The following DIAPH3 variants were observed in gnomAD, a reference collection of about 807,000 sequenced individuals.
DIAPH3 encodes the protein diaphanous related formin 3.
A neutral mutation model predicts 144.3 loss-of-function variants in DIAPH3; 117 were observed. That is an observed-to-expected ratio of 0.81 (90% confidence interval 0.70 to 0.95). The LOEUF is 0.95. Ranked by LOEUF, DIAPH3 falls within the 40% of genes least tolerant of loss-of-function variation. The probability of loss-of-function intolerance (pLI) is 0.00; values close to 1 mark genes in which losing one functional copy is unlikely to be tolerated. For missense variants in DIAPH3, 1,421 were observed against 1,412.7 expected, an observed-to-expected ratio of 1.01 and a Z score of -0.09; for synonymous variants, 519 against 488.9, an observed-to-expected ratio of 1.06 and a Z score of -0.81.
chr13:59,835,569 C>A (rs1385651867), intron 23 of DIAPH3, among the ~76,000 whole-genome samples: 1 of 151,556 alleles, frequency 6.6e-6, no homozygotes, highest in Non-Finnish European at 1.5e-5. Context: ...TTAAGAACAG[C>A]ACATTTAATG....
At chr13:59,939,219 A>C (rs1400403938) in intron 17 of DIAPH3, among the ~76,000 whole-genome samples, 1 of 152,186 alleles carries the variant, frequency 6.6e-6, no homozygotes, top group Non-Finnish European at 1.5e-5. Context: ...TGCACACCTC[A>C]AACTTATACA....
intron 17 of DIAPH3, among the ~76,000 whole-genome samples, chr13:59,951,170 G>A (rs2049078459): frequency 6.6e-6 from 1 of 152,070 alleles, no homozygotes; most frequent in South Asian, 2.1e-4. Context: ...TGTTGTGGTT[G>A]GGACCCAGTG....
chr13:59,980,686 C>A, intron 14 of DIAPH3, 109 bp downstream of exon 14: 1 of 1,019,568 alleles, frequency 9.8e-7, no homozygotes, highest in Admixed American at 1.9e-5. Flanking sequence ...ATGCACACAC[C>A]TGAAGCAGAT....
intron 22 of DIAPH3, among the ~76,000 whole-genome samples, chr13:59,852,062 G>C (rs1452660546): frequency 6.6e-6 from 1 of 151,898 alleles, no homozygotes; most frequent in Non-Finnish European, 1.5e-5. Flanking sequence ...TTTCCTTATA[G>C]AGTCAAAACA....
rs558982138 is a variant in DIAPH3, at chr13:59,903,665, C to T, written c.2367+8070G>A. Among the ~76,000 whole-genome samples, 13 of 150,956 alleles carry T rather than the reference C, an allele frequency of 8.6e-5. No individual in the cohort carries two copies. In the East Asian group the frequency reaches 2.5e-3, roughly 29 times the overall value. On this transcript the variant is annotated intron_variant, in intron 20 of 27. Transcript: ENST00000400324. ...ACCAAGTTATTGATTTCTTGGTCTA[C>T]TTTTGAATTAACCCATTTTCACTCA...
At chr13:59,807,071 T>C (rs1175904283) in intron 25 of DIAPH3, among the ~76,000 whole-genome samples, 1 of 151,842 alleles carries the variant, frequency 6.6e-6, no homozygotes, top group African/African-American at 2.4e-5. Context: ...TTTTTAAAAA[T>C]GAAAAAAGTT....
intron 1 of DIAPH3, among the ~76,000 whole-genome samples, chr13:60,157,818 G>C (rs1022839757): frequency 6.6e-6 from 1 of 152,124 alleles, no homozygotes; most frequent in Admixed American, 6.5e-5. Context: ...GATGGGACCT[G>C]AAATCTTAGT....
Position 60,042,777 on chromosome 13 carries a change from A to G in DIAPH3, c.539T>C (p.Ile180Thr). 1.2e-6 allele frequency: 2 copies of G among 1,613,800 alleles called. No individual in the cohort carries two copies. Among genetic ancestry groups the G allele is most frequent in the Non-Finnish European group, 1.7e-6 (2 of 1,179,794 alleles). ...RSRQISPQEFIHELKMGSADE... is the reference protein window; with the variant it reads ...RSRQISPQEFTHELKMGSADE... ...TGCAGACCCCATTTTCAGCTCATGA[A>G]TGAATTCCTGAGGTGAGATCTGTCG... The change falls in exon 5 of 28, where the codon ATT becomes ACT. Residue 180 changes from isoleucine (I) to threonine (T), a missense_variant. Physicochemically the swap from Ile to Thr is moderately conservative, Grantham distance 89 (BLOSUM62 -1). Coordinates refer to ENST00000400324, the MANE Select transcript of DIAPH3 (RefSeq NM_001042517.2).
intron 1 of DIAPH3, among the ~76,000 whole-genome samples, chr13:60,151,968 CA>C (rs1359931459): frequency 6.6e-6 from 1 of 151,992 alleles, no homozygotes; most frequent in Non-Finnish European, 1.5e-5. Context: ...TTTTAATAAA[CA>C]AAAACAGTTT....
At chr13:60,016,175 T>C (rs778066359) in intron 5 of DIAPH3, 30 bp from the exon 6 acceptor site, 4 of 1,598,056 alleles carry the variant, frequency 2.5e-6, no homozygotes, top group Non-Finnish European at 3.4e-6. Flanking sequence ...CAGTTACACA[T>C]TGTCAGTAAC....
intron 1 of DIAPH3, among the ~76,000 whole-genome samples, chr13:60,155,956 C>T (rs978569623): frequency 6.6e-6 from 1 of 152,154 alleles, no homozygotes; most frequent in African/African-American, 2.4e-5. Context: ...TCTGATGGTC[C>T]TCCTTGTAAC....
intron 25 of DIAPH3, among the ~76,000 whole-genome samples, chr13:59,780,196 T>C (rs898174717): frequency 4.6e-5 from 7 of 151,936 alleles, no homozygotes; most frequent in African/African-American, 1.7e-4. Flanking sequence ...GCATTTCTGC[T>C]CTCACAAGCA....
chr13:60,064,574 G>A (rs957006713), intron 4 of DIAPH3, among the ~76,000 whole-genome samples: 4 of 152,106 alleles, frequency 2.6e-5, no homozygotes, highest in Non-Finnish European at 5.9e-5. Context: ...AGAGAGTTAG[G>A]GCCTTGCTCT....
chr13:59,922,765 C>A (rs960437988), intron 18 of DIAPH3, among the ~76,000 whole-genome samples: 1 of 152,054 alleles, frequency 6.6e-6, no homozygotes, highest in Non-Finnish European at 1.5e-5. Flanking sequence ...TTTCATCTTA[C>A]ACTTTAAAAC....
At chr13:59,733,527 A>G (rs2035990402) in intron 27 of DIAPH3, among the ~76,000 whole-genome samples, 3 of 152,226 alleles carry the variant, frequency 2.0e-5, no homozygotes, top group Admixed American at 2.0e-4. Flanking sequence ...AGAAAAATAT[A>G]TAACTTTGAA....
chr13:59,766,487 G>A (rs1717848472), intron 27 of DIAPH3, among the ~76,000 whole-genome samples: 1 of 152,204 alleles, frequency 6.6e-6, no homozygotes. Context: ...TCAGATGGGA[G>A]CTCAGAATTT....
intron 17 of DIAPH3, among the ~76,000 whole-genome samples, chr13:59,959,608 C>T (rs373593624): frequency 1.8e-4 from 28 of 152,102 alleles, no homozygotes; most frequent in Non-Finnish European, 1.9e-4. Context: ...ATGACTTGCT[C>T]GGCTATTGCT....
At chr13:60,006,477 A>T (rs939351078) in intron 9 of DIAPH3, among the ~76,000 whole-genome samples, 1 of 152,212 alleles carries the variant, frequency 6.6e-6, no homozygotes, top group Non-Finnish European at 1.5e-5. Context: ...TAATGGTTCA[A>T]CTTTCCTCTA....
intron 27 of DIAPH3, among the ~76,000 whole-genome samples, chr13:59,693,830 T>A (rs1490477835): frequency 2.0e-5 from 3 of 152,180 alleles, no homozygotes. Context: ...ATGATCCTTA[T>A]AATCCTCATT....
Sources: allele counts gnomAD v4.1 joint callset (sites outside exome capture counted in the v4.1 genomes callset), GRCh38; gene constraint gnomAD v4.1.1; transcripts MANE v1.5; gene names NCBI Gene and HGNC (gene_info 2026-07-23, HGNC 2026-07-21).